The following ROBO1 variants were observed in gnomAD, a reference collection of about 807,000 sequenced individuals.
The protein encoded by ROBO1 is roundabout guidance receptor 1.
ROBO1 carries 149 observed loss-of-function variants against 195.9 expected under a neutral mutation model. The observed-to-expected ratio is 0.76, with a 90% CI of 0.67 to 0.87. The LOEUF (loss-of-function observed/expected upper bound fraction) is 0.87, where lower values mean the gene tolerates loss of function less well. Ranked by LOEUF, ROBO1 falls within the 40% of genes least tolerant of loss-of-function variation. The probability of loss-of-function intolerance (pLI) is 0.00; values close to 1 mark genes in which losing one functional copy is unlikely to be tolerated. For synonymous variants in ROBO1, 816 were observed against 733.2 expected (o/e 1.11, Z -1.82); for missense variants, 1,933 against 2,068.3 (o/e 0.93, Z 1.27).
At position 78,948,377 on chromosome 3, in the gene ROBO1, C is replaced by T. The variant is rs1229569145; in HGVS notation, c.173-9450G>A. On this transcript the variant is annotated intron_variant, in intron 3 of 30. Coordinates refer to ENST00000464233, the MANE Select transcript of ROBO1 (RefSeq NM_002941.4). ...GGTTCAACATACACAAATCAATAAA[C>T]GTAATCCAGCTTATAAACAGAACCA... 1.1e-4 allele frequency among the ~76,000 whole-genome samples: 16 copies of T among 152,256 alleles called. No homozygotes were observed. In the South Asian group the frequency reaches 1.5e-3, roughly 14 times the overall value.
At chr3:79,671,869 T>A (rs374403516) in intron 1 of ROBO1, among the ~76,000 whole-genome samples, 1 of 151,942 alleles carries the variant, frequency 6.6e-6, no homozygotes, top group Non-Finnish European at 1.5e-5. Context: ...TTACTCATAA[T>A]GTATTCACCC....
At chr3:79,525,147 A>G (rs1303689481) in intron 2 of ROBO1, among the ~76,000 whole-genome samples, 1 of 151,520 alleles carries the variant, frequency 6.6e-6, no homozygotes, top group Non-Finnish European at 1.5e-5. Context: ...TATTCTGTTT[A>G]TCAAACAAAA....
At chr3:79,523,225 T>C (rs1460783728) in intron 2 of ROBO1, among the ~76,000 whole-genome samples, 1 of 151,258 alleles carries the variant, frequency 6.6e-6, no homozygotes, top group Non-Finnish European at 1.5e-5. Context: ...AGTTACACAA[T>C]TCTCAATCCT....
intron 3 of ROBO1, among the ~76,000 whole-genome samples, chr3:79,098,792 T>G (rs2079618502): frequency 6.6e-6 from 1 of 151,836 alleles, no homozygotes; most frequent in African/African-American, 2.4e-5. Context: ...ATTAACTAAT[T>G]AATTTTTTCA....
intron 2 of ROBO1, among the ~76,000 whole-genome samples, chr3:79,466,111 C>A (rs928184430): frequency 4.0e-5 from 6 of 151,196 alleles, no homozygotes; most frequent in East Asian, 1.9e-4. Context: ...TATTTATTTT[C>A]TCTGTGACCA....
rs143342077 is a variant in ROBO1 at position 79,696,495 on chromosome 3, T to C, written c.-51+71257A>G. On this transcript the variant is annotated intron_variant, in intron 1 of 30. Transcript: ENST00000464233. The stretch of plus-strand genomic sequence containing the variant: ...ATACACACACAGGTATATATACAGA[T>C]ATATATGAGGTATAGAAGGAAAAAA... Among the ~76,000 whole-genome samples the C allele has an allele frequency of 5.8e-3, 872 of 150,218 alleles. 14 individuals are homozygous for C. The highest frequency in any genetic ancestry group is 0.018 in the African/African-American group (745 of 41,246).
At chr3:78,884,603 GAGAAAGAGAGAA>G (rs202051178) in intron 4 of ROBO1, among the ~76,000 whole-genome samples, 1,299 of 128,892 alleles carry the variant, frequency 0.01, 31 homozygotes, top group African/African-American at 0.039. Flanking sequence ...GAAAGAAAGA[GAGAAAGAGAGAA>G]AGAAAGAGAG....
Position 78,633,953 on chromosome 3 carries a change from G to T in ROBO1, c.3463C>A (p.Arg1155=). 2 of 1,610,224 alleles carry T rather than the reference G, an allele frequency of 1.2e-6. No individual in the cohort carries two copies. The highest frequency in any genetic ancestry group is 1.7e-6 in the Non-Finnish European group (2 of 1,177,198). Reference sequence around the variant, plus strand: ...TACTTACCAGATGTACTACTGCCCCGGTCTGAGCTGTTGTAGGATCCTCCT... The same window carrying T: ...TACTTACCAGATGTACTACTGCCCCTGTCTGAGCTGTTGTAGGATCCTCCT... ...NTGGSYNSSD[R]GSSTSGSQGH... The change falls in exon 24 of 31, where the codon CGG becomes AGG. Residue 1155 remains arginine (R), a synonymous_variant. Transcript: ENST00000464233.
chr3:79,281,944 G>A (rs957137860), intron 2 of ROBO1, among the ~76,000 whole-genome samples: 5 of 152,166 alleles, frequency 3.3e-5, no homozygotes, highest in Admixed American at 6.5e-5. Context: ...CCATTCATTC[G>A]TTTGTTCACC....
intron 2 of ROBO1, among the ~76,000 whole-genome samples, chr3:79,391,309 A>T (rs2036939977): frequency 6.6e-6 from 1 of 152,056 alleles, no homozygotes; most frequent in Non-Finnish European, 1.5e-5. Context: ...AACAAAAAAC[A>T]AAACCATAAA....
At chr3:78,816,133 G>A (rs1296437918) in intron 4 of ROBO1, among the ~76,000 whole-genome samples, 1 of 152,128 alleles carries the variant, frequency 6.6e-6, no homozygotes, top group Admixed American at 6.6e-5. Context: ...AGGAGATAAT[G>A]CAGCTGGTGA....
At chr3:78,665,957 A>G (rs1469260047) in intron 14 of ROBO1, among the ~76,000 whole-genome samples, 1 of 151,866 alleles carries the variant, frequency 6.6e-6, no homozygotes, top group Non-Finnish European at 1.5e-5. Context: ...CTTGAACTGT[A>G]GTTCTCCTAA....
At chr3:79,197,617 G>C (rs2081663849) in intron 2 of ROBO1, among the ~76,000 whole-genome samples, 1 of 152,120 alleles carries the variant, frequency 6.6e-6, no homozygotes, top group Non-Finnish European at 1.5e-5. Context: ...TCACCACACT[G>C]TCTTCCACAA....
In ROBO1 at chr3:78,942,129, T is replaced by C. The variant is rs193149417; in HGVS notation, c.173-3202A>G. Among the ~76,000 whole-genome samples, 43 of 152,060 alleles carry C rather than the reference T, an allele frequency of 2.8e-4. No homozygotes were observed. The East Asian group carries it at 8.0e-3, about 28-fold the overall frequency. On this transcript the variant is annotated intron_variant, in intron 3 of 30. Coordinates refer to ENST00000464233, the MANE Select transcript of ROBO1 (RefSeq NM_002941.4). ...CAGCCTAGGCAACACAAGGAAACCA[T>C]GTCTCTATAAAAAATTCAAACAATT... is the stretch of plus-strand genomic sequence containing the variant.
At chr3:78,877,569 T>A (rs2035930587) in intron 4 of ROBO1, among the ~76,000 whole-genome samples, 1 of 152,176 alleles carries the variant, frequency 6.6e-6, no homozygotes, top group Admixed American at 6.5e-5. Flanking sequence ...TGGTATATTT[T>A]AAAAAATAGC....
At chr3:79,117,342 C>T (rs1213805625) in intron 3 of ROBO1, among the ~76,000 whole-genome samples, 1 of 151,864 alleles carries the variant, frequency 6.6e-6, no homozygotes, top group Non-Finnish European at 1.5e-5. Context: ...TGCACTCCAG[C>T]CTGGGCGACA....
intron 4 of ROBO1, among the ~76,000 whole-genome samples, chr3:78,885,620 A>G (rs1365133180): frequency 6.6e-6 from 1 of 151,116 alleles, no homozygotes; most frequent in Non-Finnish European, 1.5e-5. Flanking sequence ...AATATTCTAC[A>G]TTGTTTTCAT....
chr3:78,904,478 A>G (rs2037771651), intron 4 of ROBO1, among the ~76,000 whole-genome samples: 1 of 152,080 alleles, frequency 6.6e-6, no homozygotes. Context: ...AGATGTAACT[A>G]GGGGAGAAAA....
intron 1 of ROBO1, among the ~76,000 whole-genome samples, chr3:79,752,335 T>G (rs964967906): frequency 9.2e-5 from 14 of 152,286 alleles, no homozygotes; most frequent in Admixed American, 5.9e-4. Flanking sequence ...AATTTTTTAA[T>G]AAAACCTATG....
Sources: gnomAD v4.1 joint callset for allele counts (sites outside exome capture counted in the v4.1 genomes callset) on GRCh38, gnomAD v4.1.1 for gene constraint, MANE v1.5 for transcripts, NCBI Gene and HGNC (gene_info 2026-07-23, HGNC 2026-07-21) for gene names.